The following SGCD variants were observed in gnomAD, a reference collection of about 807,000 sequenced individuals.
SGCD encodes the protein delta-sarcoglycan.
SGCD carries 18 observed loss-of-function variants against 36.6 expected under a neutral mutation model. The ratio of observed to expected loss-of-function variants is 0.49; its 90% confidence interval spans 0.34 to 0.73. The LOEUF is 0.73. Ranked by LOEUF, SGCD falls within the 30% of genes least tolerant of loss-of-function variation. The pLI, the probability that SGCD is intolerant of heterozygous loss-of-function variation, is 0.01. For synonymous variants in SGCD, 133 were observed against 130.6 expected, an observed-to-expected ratio of 1.02 and a Z score of -0.12; for missense variants, 387 against 346.7, an observed-to-expected ratio of 1.12 and a Z score of -0.92.
rs58947494 is a variant in SGCD, at chr5:156,691,206, C to CAAAAAAAAAAAAAA, written c.575+43677_575+43690dup. Reference sequence around the variant, plus strand: ...TGGGCAACAGAGCGAGACTCTGTCTCAAAAAAAAAAAAAAAAAAAAGAGAG... The same window carrying CAAAAAAAAAAAAAA: ...TGGGCAACAGAGCGAGACTCTGTCTCAAAAAAAAAAAAAAAAAAAAAAAAAAAAAAAAAAGAGAG... On this transcript the variant is annotated intron_variant, in intron 7 of 8. Transcript: ENST00000337851. 2.7e-4 allele frequency among the ~76,000 whole-genome samples: 17 copies of CAAAAAAAAAAAAAA among 61,844 alleles called. 3 individuals are homozygous for CAAAAAAAAAAAAAA. The highest frequency in any genetic ancestry group is 8.2e-4 in the African/African-American group (12 of 14,604). The allele number at this position is 61,844 out of a possible 152,430, so 40.6% of individuals were successfully genotyped here.
intron 1 of SGCD, among the ~76,000 whole-genome samples, chr5:155,928,932 G>A (rs1368414856): frequency 6.6e-6 from 1 of 152,006 alleles, no homozygotes; most frequent in Non-Finnish European, 1.5e-5. Flanking sequence ...GTTAGGGGGT[G>A]TCTCTTGAAC....
chr5:155,919,377 C>A (rs1213712778), intron 1 of SGCD, among the ~76,000 whole-genome samples: 2 of 152,154 alleles, frequency 1.3e-5, no homozygotes, highest in Non-Finnish European at 2.9e-5. Context: ...GCCAATGGTA[C>A]AAAACTTGCA....
At chr5:156,588,888 A>G (rs1461817549) in intron 4 of SGCD, among the ~76,000 whole-genome samples, 1 of 152,142 alleles carries the variant, frequency 6.6e-6, no homozygotes, top group Non-Finnish European at 1.5e-5. Flanking sequence ...ATCATTCTGT[A>G]TACCAAGACT....
chr5:156,145,123 G>A (rs1762679991), intron 3 of SGCD, among the ~76,000 whole-genome samples: 1 of 152,170 alleles, frequency 6.6e-6, no homozygotes, highest in African/African-American at 2.4e-5. Flanking sequence ...AGGTGATTGA[G>A]TCATGGGGGT....
intron 7 of SGCD, among the ~76,000 whole-genome samples, chr5:156,651,488 G>A (rs530282622): frequency 6.6e-6 from 1 of 152,192 alleles, no homozygotes; most frequent in South Asian, 2.1e-4. Flanking sequence ...ATAGGGAAAG[G>A]TAGGAGTCCA....
At chr5:156,453,773 A>G (rs1191983985) in intron 3 of SGCD, among the ~76,000 whole-genome samples, 2 of 152,214 alleles carry the variant, frequency 1.3e-5, no homozygotes, top group East Asian at 3.8e-4. Context: ...TGGTACATCC[A>G]TACAATGGAA....
At chr5:156,444,064 TTCTCTCTCTCTC>T (rs535098783) in intron 3 of SGCD, among the ~76,000 whole-genome samples, 1,406 of 34,430 alleles carry the variant, frequency 0.041, 11 homozygotes, top group Middle Eastern at 0.12. Flanking sequence ...CTTTCTCTCC[TTCTCTCTCTCTC>T]TCTCTCTCTC....
intron 3 of SGCD, among the ~76,000 whole-genome samples, chr5:156,153,373 T>C (rs1470372135): frequency 6.6e-6 from 1 of 151,628 alleles, no homozygotes; most frequent in East Asian, 1.9e-4. Flanking sequence ...CTTTAAAAAC[T>C]GCATTTGCAT....
intron 6 of SGCD, among the ~76,000 whole-genome samples, chr5:156,622,431 T>TAAA (rs900614093): frequency 1.3e-4 from 10 of 78,140 alleles, no homozygotes; most frequent in Non-Finnish European, 2.6e-4. Context: ...AGACTCTGTC[T>TAAA]AAAAAATAAT....
chr5:155,835,780 A>C, the SGCD span, among the ~76,000 whole-genome samples: 1 of 152,188 alleles, frequency 6.6e-6, no homozygotes, highest in Non-Finnish European at 1.5e-5. Context: ...TCAGTTACCC[A>C]CTGTCCAAAA....
chr5:156,533,990 T>TA (rs1272527637), intron 4 of SGCD, among the ~76,000 whole-genome samples: 1 of 151,694 alleles, frequency 6.6e-6, no homozygotes, highest in Non-Finnish European at 1.5e-5. Context: ...ACTTTTCTTT[T>TA]ATCTCCTTCA....
intron 3 of SGCD, among the ~76,000 whole-genome samples, chr5:156,433,027 C>T (rs1753091474): frequency 1.3e-5 from 2 of 152,206 alleles, no homozygotes; most frequent in Non-Finnish European, 2.9e-5. Flanking sequence ...TCATCCCACT[C>T]AAAATTATAT....
intron 3 of SGCD, among the ~76,000 whole-genome samples, chr5:156,164,518 G>A (rs1031842279): frequency 1.3e-5 from 2 of 152,076 alleles, no homozygotes; most frequent in Non-Finnish European, 2.9e-5. Flanking sequence ...TTGCATTCCT[G>A]TCTATTTCCA....
At chr5:156,320,425 C>T (rs1358317149) in intron 3 of SGCD, among the ~76,000 whole-genome samples, 7 of 152,078 alleles carry the variant, frequency 4.6e-5, no homozygotes, top group African/African-American at 1.7e-4. Context: ...ATTTCAAGAG[C>T]TTACTTATAA....
chr5:156,313,046 T>A (rs942369983), intron 3 of SGCD, among the ~76,000 whole-genome samples: 1 of 152,142 alleles, frequency 6.6e-6, no homozygotes, highest in South Asian at 2.1e-4. Context: ...CTCTAAGCCA[T>A]CTGTCTCAGA....
intron 3 of SGCD, among the ~76,000 whole-genome samples, chr5:156,404,154 C>T (rs568475650): frequency 6.6e-6 from 1 of 152,210 alleles, no homozygotes; most frequent in African/African-American, 2.4e-5. Context: ...TCTCTTTCAC[C>T]CAGAATACTC....
chr5:156,348,643 G>C (rs1769073173), intron 3 of SGCD, among the ~76,000 whole-genome samples: 1 of 152,128 alleles, frequency 6.6e-6, no homozygotes, highest in Non-Finnish European at 1.5e-5. Flanking sequence ...CTCATGAATT[G>C]AATGACTCAT....
chr5:155,872,527 A>G (rs1755676928), intron 1 of SGCD, among the ~76,000 whole-genome samples: 1 of 152,234 alleles, frequency 6.6e-6, no homozygotes, highest in African/African-American at 2.4e-5. Context: ...GTGACTTTGA[A>G]TAGAATTCTT....
intron 1 of SGCD, among the ~76,000 whole-genome samples, chr5:156,056,323 A>G (rs1251910976): frequency 6.8e-6 from 1 of 146,186 alleles, no homozygotes; most frequent in African/African-American, 2.5e-5. Context: ...CCTGGGGACC[A>G]GACTGCCTTT....
Sources: gnomAD v4.1 joint callset for allele counts (sites outside exome capture counted in the v4.1 genomes callset) on GRCh38, gnomAD v4.1.1 for gene constraint, MANE v1.5 for transcripts, NCBI Gene and HGNC (gene_info 2026-07-23, HGNC 2026-07-21) for gene names.